Variants in ANKRD17 observed in about 807,000 individuals in gnomAD.
ANKRD17 encodes the protein ankyrin repeat domain 17, also known as ankyrin repeat domain-containing protein 17.
In ANKRD17, 19 loss-of-function variants were observed where a neutral mutation model predicts 229.7. The ratio of observed to expected loss-of-function variants is 0.08; its 90% CI spans 0.06 to 0.12. ANKRD17 has a LOEUF of 0.12. Among genes scored for constraint, ANKRD17 ranks in the 10% least tolerant of loss-of-function variants. The pLI is 1.00. For synonymous variants in ANKRD17, 1,112 were observed against 1,146.1 expected, an observed-to-expected ratio of 0.97 and a Z score of 0.60; for missense variants, 2,176 against 3,176.8, an observed-to-expected ratio of 0.68 and a Z score of 7.57.
Position 73,146,752 on chromosome 4 carries a change from A to C in ANKRD17, c.1869+12T>G. ...TGTTAAATATTAAGATTTAAAAAGT[A>C]ACATAGCTTACCAGATCTGCGCCTG... is the stretch of plus-strand genomic sequence containing the variant. On this transcript the variant is annotated intron_variant, in intron 10 of 33. Transcript: ENST00000358602. 1 of 1,561,564 alleles carries C rather than the reference A, an allele frequency of 6.4e-7. No individual in the cohort carries two copies. The highest frequency in any genetic ancestry group is 8.8e-7 in the Non-Finnish European group (1 of 1,142,464).
At chr4:73,241,210 G>A (rs1157670206) in intron 1 of ANKRD17, among the ~76,000 whole-genome samples, 2 of 152,114 alleles carry the variant, frequency 1.3e-5, no homozygotes, top group African/African-American at 4.8e-5. Context: ...AAATAATGAG[G>A]ACAGACTATG....
At chr4:73,229,435 A>G (rs1742829953) in intron 1 of ANKRD17, among the ~76,000 whole-genome samples, 1 of 152,186 alleles carries the variant, frequency 6.6e-6, no homozygotes. Flanking sequence ...TGAAATCAAT[A>G]TTAGTTTTAA....
chr4:73,249,520 A>G (rs987718209), intron 1 of ANKRD17, among the ~76,000 whole-genome samples: 1 of 152,264 alleles, frequency 6.6e-6, no homozygotes, highest in African/African-American at 2.4e-5. Context: ...TCTCTACCTT[A>G]TAAGTCAGTT....
intron 24 of ANKRD17, among the ~76,000 whole-genome samples, chr4:73,103,319 A>G (rs530161235): frequency 2.0e-5 from 3 of 152,262 alleles, no homozygotes; most frequent in Admixed American, 2.0e-4. Context: ...AGTTATAAAT[A>G]AAAGGGTAAC....
intron 2 of ANKRD17, among the ~76,000 whole-genome samples, chr4:73,176,449 G>T (rs1342419026): frequency 6.6e-6 from 1 of 152,020 alleles, no homozygotes. Flanking sequence ...CCACTCCTAG[G>T]TGTACACCCA....
At chr4:73,150,959 T>C (rs1402548877) in intron 7 of ANKRD17, among the ~76,000 whole-genome samples, 2 of 152,190 alleles carry the variant, frequency 1.3e-5, no homozygotes, top group South Asian at 4.1e-4. Flanking sequence ...AGTCAATTTA[T>C]TGGTTTGAGG....
rs1188548700 is a variant in ANKRD17, at chr4:73,102,361, G to A, written c.4573+15C>T. ...AGAATATAAAACAAATGGGATGGTTGTTAAGAGAAAATACCTTCAACTTTA... is the reference window on the plus strand; with the variant it reads ...AGAATATAAAACAAATGGGATGGTTATTAAGAGAAAATACCTTCAACTTTA... On this transcript the variant is annotated intron_variant, in intron 25 of 33. Coordinates refer to ENST00000358602, the MANE Select transcript of ANKRD17 (RefSeq NM_032217.5). The A allele has an allele frequency of 2.5e-6, 4 of 1,573,712 alleles. No homozygotes were observed. In the South Asian group the frequency reaches 3.6e-5, roughly 14 times the overall value.
intron 24 of ANKRD17, among the ~76,000 whole-genome samples, chr4:73,106,929 C>A (rs1724717323): frequency 7.5e-6 from 1 of 132,660 alleles, no homozygotes; most frequent in African/African-American, 2.8e-5. Context: ...TACACCGGAG[C>A]AGAAAAGGAA....
At chr4:73,102,689 C>A in intron 24 of ANKRD17, 142 bp from the exon 25 acceptor site, 2 of 881,870 alleles carry the variant, frequency 2.3e-6, no homozygotes, top group Non-Finnish European at 1.7e-6. Flanking sequence ...TTATCAAGAT[C>A]ATATTCAAAC....
intron 1 of ANKRD17, among the ~76,000 whole-genome samples, chr4:73,200,533 C>A (rs1049387171): frequency 1.9e-4 from 29 of 151,860 alleles, no homozygotes; most frequent in African/African-American, 6.8e-4. Context: ...TTATAGCTCC[C>A]CAGGTGATAC....
intron 1 of ANKRD17, among the ~76,000 whole-genome samples, chr4:73,211,734 C>A (rs1441444410): frequency 1.3e-5 from 2 of 151,426 alleles, no homozygotes; most frequent in Admixed American, 1.3e-4. Flanking sequence ...GTAATCCCAG[C>A]TACGTGGGAG....
At chr4:73,082,986 AG>A (rs1315692088) in intron 30 of ANKRD17, among the ~76,000 whole-genome samples, 1 of 152,186 alleles carries the variant, frequency 6.6e-6, no homozygotes, top group Admixed American at 6.5e-5. Flanking sequence ...TAAGTTATTT[AG>A]GGGCAAAAGG....
chr4:73,100,358 T>A (rs1267860487), intron 25 of ANKRD17, among the ~76,000 whole-genome samples: 1 of 151,712 alleles, frequency 6.6e-6, no homozygotes, highest in East Asian at 1.9e-4. Context: ...ATAAAGGGTG[T>A]AGGGACCACC....
At chr4:73,157,804 C>T (rs548060683) in intron 3 of ANKRD17, among the ~76,000 whole-genome samples, 20 of 152,122 alleles carry the variant, frequency 1.3e-4, no homozygotes, top group African/African-American at 4.6e-4. Context: ...AAGTAGAACA[C>T]GTCCGCCGGG....
At chr4:73,226,845 G>T (rs1412944507) in intron 1 of ANKRD17, among the ~76,000 whole-genome samples, 1 of 152,142 alleles carries the variant, frequency 6.6e-6, no homozygotes, top group Non-Finnish European at 1.5e-5. Flanking sequence ...CTCCCCAGTA[G>T]CTGGGACTAC....
At position 73,139,740 on chromosome 4, in the gene ANKRD17, G is replaced by T. The variant is rs369877337; in HGVS notation, c.2876C>A (p.Pro959His). The T allele has an allele frequency of 5.6e-5, 91 of 1,614,068 alleles. No homozygotes were observed. Among genetic ancestry groups the T allele is most frequent in the Non-Finnish European group, 7.6e-5 (90 of 1,180,032 alleles). ...GFAPIQPLAM[P>H]QALPLAAGPL... The stretch of plus-strand genomic sequence containing the variant: ...ACCTGCCGCCAGAGGCAAAGCTTGA[G>T]GCATCGCCAGAGGCTGGATTGGCGC... The change falls in exon 15 of 34, where the codon CCT becomes CAT. Residue 959 changes from proline to histidine, a missense_variant. Coordinates refer to ENST00000358602, the MANE Select transcript of ANKRD17 (RefSeq NM_032217.5).
intron 1 of ANKRD17, among the ~76,000 whole-genome samples, chr4:73,221,652 T>C (rs1240546036): frequency 6.6e-6 from 1 of 152,222 alleles, no homozygotes. Context: ...AAGTTTATAC[T>C]ACTATTTCTA....
At chr4:73,097,768 T>C (rs576029012) in intron 26 of ANKRD17, among the ~76,000 whole-genome samples, 12 of 152,094 alleles carry the variant, frequency 7.9e-5, no homozygotes, top group Admixed American at 3.9e-4. Flanking sequence ...AGATACTATC[T>C]AGGGTACACA....
At chr4:73,222,934 C>T in intron 1 of ANKRD17, 2 of 1,438,862 alleles carry the variant, frequency 1.4e-6, no homozygotes, top group Non-Finnish European at 9.4e-7. Flanking sequence ...TTTCTTTGTT[C>T]AGATTTCAAC....
Sources: gnomAD v4.1 joint callset for allele counts (sites outside exome capture counted in the v4.1 genomes callset) on GRCh38, gnomAD v4.1.1 for gene constraint, MANE v1.5 for transcripts, NCBI Gene and HGNC (gene_info 2026-07-23, HGNC 2026-07-21) for gene names.